LRP1B: variants seen among roughly 807,000 people sequenced by gnomAD.
The protein encoded by LRP1B is low-density lipoprotein receptor-related protein 1B.
A neutral mutation model predicts 556.6 loss-of-function variants in LRP1B; 217 were observed. The ratio of observed to expected loss-of-function variants is 0.39; its 90% CI spans 0.35 to 0.44. The LOEUF (loss-of-function observed/expected upper bound fraction) is 0.44, where lower values mean the gene tolerates loss of function less well. LRP1B is among the 20% of genes least tolerant of loss of function. The probability of loss-of-function intolerance (pLI) is 1.00; values close to 1 mark genes in which losing one functional copy is unlikely to be tolerated. For missense variants in LRP1B, 5,053 were observed against 5,620.8 expected (o/e 0.90, Z 3.23); for synonymous variants, 2,047 against 1,865.8 (o/e 1.10, Z -2.50).
chr2:141,596,892 G>C (rs944303475), intron 2 of LRP1B, among the ~76,000 whole-genome samples: 13 of 151,984 alleles, frequency 8.6e-5, no homozygotes, highest in African/African-American at 3.1e-4. Context: ...CTAGGTAAAG[G>C]GGAGATTTTT....
chr2:141,136,614 G>T (rs1366915558), intron 7 of LRP1B, among the ~76,000 whole-genome samples: 3 of 101,434 alleles, frequency 3.0e-5, no homozygotes, highest in Non-Finnish European at 4.0e-5. Flanking sequence ...TGGAACACAG[G>T]ATATAAAGTG....
chr2:140,578,710 T>C (rs570337412), intron 43 of LRP1B, among the ~76,000 whole-genome samples: 65 of 131,362 alleles, frequency 4.9e-4, no homozygotes, highest in African/African-American at 1.8e-3. Flanking sequence ...CTGCACGTAG[T>C]GCACATGTAC....
chr2:140,236,741 G>T (rs1680718395), intron 89 of LRP1B, among the ~76,000 whole-genome samples: 1 of 150,736 alleles, frequency 6.6e-6, no homozygotes, highest in African/African-American at 2.4e-5. Flanking sequence ...AGCTTATCTG[G>T]CTCATCATTT....
chr2:141,270,398 A>T (rs141704293), intron 3 of LRP1B, among the ~76,000 whole-genome samples: 101 of 151,916 alleles, frequency 6.6e-4, no homozygotes, highest in Non-Finnish European at 1.0e-3. Flanking sequence ...ATTAAAGATA[A>T]AATTATGATA....
At chr2:141,461,881 A>G (rs1230053947) in intron 3 of LRP1B, among the ~76,000 whole-genome samples, 1 of 152,230 alleles carries the variant, frequency 6.6e-6, no homozygotes, top group Non-Finnish European at 1.5e-5. Context: ...GTCATCGTAC[A>G]AAGTAGCTAA....
chr2:141,677,817 G>A (rs950164049), intron 2 of LRP1B, among the ~76,000 whole-genome samples: 4 of 152,134 alleles, frequency 2.6e-5, no homozygotes, highest in Non-Finnish European at 2.9e-5. Flanking sequence ...AAAGCATTAG[G>A]AAACATAAGC....
At chr2:141,677,032 A>G (rs1690910450) in intron 2 of LRP1B, among the ~76,000 whole-genome samples, 1 of 152,158 alleles carries the variant, frequency 6.6e-6, no homozygotes, top group Admixed American at 6.6e-5. Context: ...TATAATTACA[A>G]TTGTGATAAC....
intron 2 of LRP1B, among the ~76,000 whole-genome samples, chr2:141,655,978 C>T (rs192349024): frequency 9.9e-5 from 15 of 152,126 alleles, no homozygotes; most frequent in African/African-American, 3.6e-4. Context: ...AGATACTGTC[C>T]TAAGCGATTT....
intron 3 of LRP1B, among the ~76,000 whole-genome samples, chr2:141,324,476 C>T (rs1306426302): frequency 1.3e-5 from 2 of 151,996 alleles, no homozygotes; most frequent in Admixed American, 1.3e-4. Context: ...TCTATCTTTC[C>T]CTTGATAATT....
chr2:140,612,201 G>A (rs1258618423), intron 41 of LRP1B, among the ~76,000 whole-genome samples: 1 of 152,014 alleles, frequency 6.6e-6, no homozygotes, highest in East Asian at 1.9e-4. Context: ...GAAATATTAG[G>A]TGGCAGATAT....
chr2:141,795,692 C>T (rs952022873), intron 2 of LRP1B, among the ~76,000 whole-genome samples: 2 of 151,548 alleles, frequency 1.3e-5, no homozygotes, highest in African/African-American at 4.8e-5. Flanking sequence ...TGTTTATTAA[C>T]TATGTGTCCT....
At chr2:141,379,559 C>T (rs1689563049) in intron 3 of LRP1B, among the ~76,000 whole-genome samples, 1 of 152,118 alleles carries the variant, frequency 6.6e-6, no homozygotes, top group Non-Finnish European at 1.5e-5. Context: ...GCAGGAAAAG[C>T]TGATCATAAA....
intron 2 of LRP1B, among the ~76,000 whole-genome samples, chr2:141,732,284 T>A (rs1281388562): frequency 6.6e-6 from 1 of 152,140 alleles, no homozygotes; most frequent in East Asian, 1.9e-4. Flanking sequence ...CCCTCTGGAG[T>A]AGATAGTAGG....
intron 41 of LRP1B, among the ~76,000 whole-genome samples, chr2:140,667,178 A>G (rs1180877287): frequency 6.6e-6 from 1 of 152,166 alleles, no homozygotes; most frequent in Non-Finnish European, 1.5e-5. Flanking sequence ...TGTTACCTCC[A>G]TGCCTGGGAC....
intron 33 of LRP1B, 61 bp from the exon 34 acceptor site, chr2:140,771,067 T>C (rs769619103): frequency 5.8e-5 from 74 of 1,270,354 alleles, no homozygotes; most frequent in Non-Finnish European, 7.7e-5. Context: ...TAAAGTTTTA[T>C]TTAACGTCAA....
intron 3 of LRP1B, among the ~76,000 whole-genome samples, chr2:141,343,859 T>C (rs373732188): frequency 2.0e-5 from 3 of 152,208 alleles, no homozygotes; most frequent in African/African-American, 7.2e-5. Flanking sequence ...AAAGTTCTTT[T>C]TGGTTCCTTC....
At chr2:141,499,472 C>T (rs1042073979) in intron 2 of LRP1B, among the ~76,000 whole-genome samples, 1 of 151,934 alleles carries the variant, frequency 6.6e-6, no homozygotes, top group Non-Finnish European at 1.5e-5. Context: ...TCAAATCCTG[C>T]TTGGATATAT....
intron 2 of LRP1B, among the ~76,000 whole-genome samples, chr2:141,541,463 C>G (rs1233683398): frequency 3.3e-5 from 5 of 151,998 alleles, no homozygotes; most frequent in Non-Finnish European, 7.4e-5. Context: ...TAACTACCAC[C>G]AAATCCAATG....
chr2:140,254,495 C>T (rs1342318345), intron 86 of LRP1B, among the ~76,000 whole-genome samples: 1 of 152,018 alleles, frequency 6.6e-6, no homozygotes, highest in Non-Finnish European at 1.5e-5. Flanking sequence ...TCAGCATAGT[C>T]CTTGTTCTAG....
Sources: gnomAD v4.1 joint callset for allele counts (sites outside exome capture counted in the v4.1 genomes callset) on GRCh38, gnomAD v4.1.1 for gene constraint, MANE v1.5 for transcripts, NCBI Gene and HGNC (gene_info 2026-07-23, HGNC 2026-07-21) for gene names.